ANO2: variants seen among roughly 807,000 people sequenced by gnomAD.
The protein encoded by ANO2 is anoctamin-2.
ANO2 carries 101 observed loss-of-function variants against 124.2 expected under a neutral mutation model. The observed-to-expected ratio is 0.81, with a 90% confidence interval of 0.69 to 0.96. ANO2 has a LOEUF of 0.96. Ranked by LOEUF, ANO2 falls within the 40% of genes least tolerant of loss-of-function variation. The pLI is 0.00. For missense variants in ANO2, 1,293 were observed against 1,274.5 expected, an observed-to-expected ratio of 1.01 and a Z score of -0.22; for synonymous variants, 486 against 482.5, an observed-to-expected ratio of 1.01 and a Z score of -0.09.
intron 14 of ANO2, among the ~76,000 whole-genome samples, chr12:5,689,439 T>C (rs1438127899): frequency 2.0e-5 from 3 of 152,148 alleles, no homozygotes; most frequent in Non-Finnish European, 4.4e-5. Flanking sequence ...TTCAGTGCCT[T>C]CTTGGTGAAA....
chr12:5,656,970 C>T (rs554203751), intron 14 of ANO2, among the ~76,000 whole-genome samples: 45 of 152,302 alleles, frequency 3.0e-4, no homozygotes, highest in Non-Finnish European at 5.9e-4. Context: ...CCGAGGTCAT[C>T]TACGGATTGG....
At chr12:5,604,373 A>G (rs1944106369) in intron 19 of ANO2, among the ~76,000 whole-genome samples, 1 of 152,210 alleles carries the variant, frequency 6.6e-6, no homozygotes, top group African/African-American at 2.4e-5. Context: ...AGGCAACTGC[A>G]TATCTGTGCC....
intron 12 of ANO2, among the ~76,000 whole-genome samples, chr12:5,741,314 T>C (rs577716731): frequency 6.6e-6 from 1 of 152,378 alleles, no homozygotes; most frequent in African/African-American, 2.4e-5. Context: ...TTTGTTTTAC[T>C]TGCAGCTACA....
At chr12:5,815,874 AG>A in intron 7 of ANO2, among the ~76,000 whole-genome samples, 1 of 152,318 alleles carries the variant, frequency 6.6e-6, no homozygotes, top group East Asian at 1.9e-4. Flanking sequence ...ACTTGTATAT[AG>A]GTTAAAGCTT....
intron 12 of ANO2, chr12:5,739,854 T>C (rs1951027287): frequency 2.2e-6 from 1 of 456,114 alleles, no homozygotes; most frequent in South Asian, 1.6e-5. Flanking sequence ...TTGCCTCATT[T>C]GGGCCCTAAT....
chr12:5,762,557 T>C (rs1431519622), intron 10 of ANO2, among the ~76,000 whole-genome samples: 1 of 151,918 alleles, frequency 6.6e-6, no homozygotes, highest in Non-Finnish European at 1.5e-5. Flanking sequence ...GAGTTTTTTG[T>C]TAAAGAAGAG....
At chr12:5,731,019 A>G (rs908957070) in intron 14 of ANO2, among the ~76,000 whole-genome samples, 2 of 152,268 alleles carry the variant, frequency 1.3e-5, no homozygotes, top group Admixed American at 1.3e-4. Flanking sequence ...CAATGTTTAT[A>G]TTAGAACCAC....
At chr12:5,780,232 T>C (rs998109663) in intron 10 of ANO2, among the ~76,000 whole-genome samples, 1 of 152,242 alleles carries the variant, frequency 6.6e-6, no homozygotes, top group Non-Finnish European at 1.5e-5. Flanking sequence ...TATATTCATA[T>C]GCATCAGAAG....
chr12:5,887,704 C>T (rs1255811290), intron 3 of ANO2, among the ~76,000 whole-genome samples: 6 of 152,342 alleles, frequency 3.9e-5, no homozygotes, highest in Non-Finnish European at 4.4e-5. Flanking sequence ...GGGAAGGAAG[C>T]AGAGAAGCTA....
intron 13 of ANO2, among the ~76,000 whole-genome samples, chr12:5,735,088 G>A (rs1232131607): frequency 6.6e-6 from 1 of 152,202 alleles, no homozygotes; most frequent in South Asian, 2.1e-4. Context: ...CCAAGCAAGT[G>A]GGGTGAGGTT....
At position 5,917,001 on chromosome 12, in the gene ANO2, C is replaced by T. The variant is rs151220758; in HGVS notation, c.534+4039G>A. Among the ~76,000 whole-genome samples, 42 of 152,212 alleles carry T rather than the reference C, an allele frequency of 2.8e-4. No homozygotes were observed. The East Asian group carries it at 6.6e-3, about 24-fold the overall frequency. On this transcript the variant is annotated intron_variant, in intron 3 of 24. Coordinates refer to ENST00000682330, the MANE Select transcript of ANO2 (RefSeq NM_001364791.2). ...AGAGGTGGAAGTCTGATGACAGGGA[C>T]GCTGGGGGAGGCTGTGTCACCTGGA...
chr12:5,918,870 T>C (rs1269640968), intron 3 of ANO2, among the ~76,000 whole-genome samples: 1 of 152,190 alleles, frequency 6.6e-6, no homozygotes, highest in Non-Finnish European at 1.5e-5. Context: ...GAAATTTTCA[T>C]TGCTCCATCT....
At chr12:5,773,492 T>C (rs1171631227) in intron 10 of ANO2, among the ~76,000 whole-genome samples, 2 of 152,198 alleles carry the variant, frequency 1.3e-5, no homozygotes, top group South Asian at 2.1e-4. Context: ...AGAAGATTTA[T>C]ATGAGTTAAT....
At chr12:5,566,783 C>T (rs750947513) in intron 23 of ANO2, among the ~76,000 whole-genome samples, 2 of 152,180 alleles carry the variant, frequency 1.3e-5, no homozygotes, top group East Asian at 1.9e-4. Flanking sequence ...GCCAGAGTCT[C>T]GTGACCAGTA....
At chr12:5,682,350 TC>T (rs1467032525) in intron 14 of ANO2, among the ~76,000 whole-genome samples, 3 of 152,090 alleles carry the variant, frequency 2.0e-5, no homozygotes, top group Non-Finnish European at 4.4e-5. Flanking sequence ...TCTCTCTCTC[TC>T]TCTCTCTCTG....
chr12:5,739,397 T>C lies in ANO2; in HGVS notation c.1354A>G (p.Thr452Ala). The change falls in exon 13 of 25, where the codon ACC becomes GCC. Residue 452 changes from threonine (T) to alanine (A), a missense_variant and splice_region_variant. By Grantham distance (58) the Thr-to-Ala change is moderately conservative. Coordinates refer to ENST00000682330, the MANE Select transcript of ANO2 (RefSeq NM_001364791.2). ...CTCTTCCAGTTTTCCAGGAACATGG[T>C]AGCTTAAAAAGAACAACAAGAACAA... The part of the protein sequence containing the change: ...FFSIFMALWA[T>A]MFLENWKRLQ... 1 of 1,597,706 alleles carries C rather than the reference T, an allele frequency of 6.3e-7. No homozygotes were observed. Among genetic ancestry groups the C allele is most frequent in the Non-Finnish European group, 8.5e-7 (1 of 1,171,842 alleles).
At chr12:5,924,357 T>C (rs1229051091) in intron 1 of ANO2, among the ~76,000 whole-genome samples, 1 of 152,182 alleles carries the variant, frequency 6.6e-6, no homozygotes, top group East Asian at 1.9e-4. Flanking sequence ...CATCATTCCT[T>C]TCTATACTGT....
chr12:5,921,339 C>T lies in ANO2; in HGVS notation c.235G>A (p.Glu79Lys). Residue 79 changes from glutamate to lysine, a missense_variant, in exon 3 of 25, where the codon GAG becomes AAG. Physicochemically the swap from Glu to Lys is moderately conservative, Grantham distance 56. Transcript: ENST00000682330. The part of the protein sequence containing the change: ...SVINNYLDAN[E>K]PVSLEARLSR... Reference sequence around the variant, plus strand: ...AGACGGGCCTCCAAGGACACAGGCTCATTGGCATCCAGATAGTTGTTGATG... The same window carrying T: ...AGACGGGCCTCCAAGGACACAGGCTTATTGGCATCCAGATAGTTGTTGATG... 6.2e-7 allele frequency: 1 copy of T among 1,613,880 alleles called. No individual in the cohort carries two copies. Among genetic ancestry groups the T allele is most frequent in the Non-Finnish European group, 8.5e-7 (1 of 1,179,844 alleles).
intron 6 of ANO2, among the ~76,000 whole-genome samples, chr12:5,828,145 C>T (rs1384855469): frequency 1.3e-5 from 2 of 152,170 alleles, no homozygotes; most frequent in Non-Finnish European, 2.9e-5. Context: ...GACCACATAG[C>T]CTCGGGAGGG....
Sources: gnomAD v4.1 joint callset for allele counts (sites outside exome capture counted in the v4.1 genomes callset) on GRCh38, gnomAD v4.1.1 for gene constraint, MANE v1.5 for transcripts, NCBI Gene and HGNC (gene_info 2026-07-23, HGNC 2026-07-21) for gene names.